The following ZNF799 variants were observed in gnomAD, a reference collection of about 807,000 sequenced individuals.
The protein encoded by ZNF799 is zinc finger protein 14.
In ZNF799, 28 loss-of-function variants were observed where a neutral mutation model predicts 41.0. That is an observed-to-expected ratio of 0.68 (90% CI 0.51 to 0.94). The LOEUF (loss-of-function observed/expected upper bound fraction) is 0.94, where lower values mean the gene tolerates loss of function less well. Among genes scored for constraint, ZNF799 ranks in the 40% least tolerant of loss-of-function variants. The pLI is 0.00. For missense variants in ZNF799, 716 were observed against 764.3 expected, an observed-to-expected ratio of 0.94 and a Z score of 0.74; for synonymous variants, 213 against 252.9, an observed-to-expected ratio of 0.84 and a Z score of 1.50.
At chr19:12,413,047 C>CAAAAAAAAA in the ZNF799 span, among the ~76,000 whole-genome samples, 4 of 62,892 alleles carry the variant, frequency 6.4e-5, no homozygotes, top group African/African-American at 1.8e-4. Flanking sequence ...ACTCCGTCTC[C>CAAAAAAAAA]AAAAAAAAAA....
At chr19:12,401,541 CTTTTTTTTTT>C (rs769048606), upstream of ZNF799, among the ~76,000 whole-genome samples, 13 of 41,744 alleles carry the variant, frequency 3.1e-4, no homozygotes, top group East Asian at 4.8e-3. Context: ...AACAATTATA[CTTTTTTTTTT>C]TTTTTTTTTT....
the ZNF799 span, among the ~76,000 whole-genome samples, chr19:12,414,702 C>T: frequency 6.6e-6 from 1 of 152,194 alleles, no homozygotes; most frequent in Non-Finnish European, 1.5e-5. Context: ...CAACAGTCTT[C>T]TATAAAGGAA....
the ZNF799 span, among the ~76,000 whole-genome samples, chr19:12,410,174 TATACATAC>T: frequency 4.5e-4 from 31 of 68,792 alleles, no homozygotes; most frequent in Non-Finnish European, 5.9e-4. Flanking sequence ...AATATATATA[TATACATAC>T]ATACATACAT....
chr19:12,404,281 G>A (rs1189400838), upstream of ZNF799, among the ~76,000 whole-genome samples: 1 of 152,110 alleles, frequency 6.6e-6, no homozygotes, highest in Admixed American at 6.6e-5. Flanking sequence ...CTATAGTGTA[G>A]ATTAAATCCC....
At chr19:12,404,856 T>C (rs1970018733), upstream of ZNF799, among the ~76,000 whole-genome samples, 1 of 152,128 alleles carries the variant, frequency 6.6e-6, no homozygotes, top group Admixed American at 6.6e-5. Flanking sequence ...TAATACTGAG[T>C]GTCAACTTGA....
At chr19:12,410,256 TATATA>T in the ZNF799 span, among the ~76,000 whole-genome samples, 2 of 6,894 alleles carry the variant, frequency 2.9e-4, no homozygotes, top group South Asian at 0.019. Context: ...TCTGTGTGCA[TATATA>T]TATATATATA....
At chr19:12,397,602 G>A (rs1247044896) in intron 1 of ZNF799, among the ~76,000 whole-genome samples, 15 of 137,846 alleles carry the variant, frequency 1.1e-4, no homozygotes, top group Non-Finnish European at 2.2e-4. Flanking sequence ...AAGAAACAAA[G>A]AAACAAGTAG....
chr19:12,401,322 C>A, upstream of ZNF799: 3 of 1,180,340 alleles, frequency 2.5e-6, no homozygotes, highest in Non-Finnish European at 3.4e-6. Flanking sequence ...CGTCAGGTGC[C>A]GCCCCTCGTG....
chr19:12,401,103 G>A lies in ZNF799; in HGVS notation c.-33C>T. 4 of 1,613,640 alleles carry A rather than the reference G, an allele frequency of 2.5e-6. No individual in the cohort carries two copies. Among genetic ancestry groups the A allele is most frequent in the Non-Finnish European group, 2.5e-6 (3 of 1,179,782 alleles). Reference sequence around the variant, plus strand: ...CTTCCGCGGTGTCCCAGGTCCTCCGGACGGCTCCCGCTGCCAATGCGGGTT... The same window carrying A: ...CTTCCGCGGTGTCCCAGGTCCTCCGAACGGCTCCCGCTGCCAATGCGGGTT... On this transcript the variant is annotated 5_prime_UTR_variant, in exon 1 of 4. Transcript: ENST00000430385.
Position 12,391,374 on chromosome 19 carries a change from A to C in ZNF799, c.1024T>G (p.Cys342Gly). ...CTAGGACAATCAAAGCCTTTTCCACATATCTTACACTTATGAGGTCCATCT... is the reference window on the plus strand; with the variant it reads ...CTAGGACAATCAAAGCCTTTTCCACCTATCTTACACTTATGAGGTCCATCT... Reference protein sequence around the residue: ...TRDGPHKCKICGKGFDCPSSL... With the variant: ...TRDGPHKCKIGGKGFDCPSSL... The change falls in exon 4 of 4, where the codon TGT (cysteine) becomes GGT (glycine). Residue 342 changes from cysteine to glycine, a missense_variant. Physicochemically the swap from Cys to Gly is radical, Grantham distance 159. Transcript: ENST00000430385. The C allele has an allele frequency of 1.9e-6, 3 of 1,614,110 alleles. No individual in the cohort carries two copies. The highest frequency in any genetic ancestry group is 2.5e-6 in the Non-Finnish European group (3 of 1,179,998).
intron 1 of ZNF799, chr19:12,394,650 G>A (rs1415739160): frequency 5.1e-6 from 5 of 985,176 alleles, no homozygotes; most frequent in East Asian, 1.1e-4. Context: ...TTTGAGTAAC[G>A]CCAAAGGGGA....
chr19:12,401,273 G>T, upstream of ZNF799: 1 of 1,368,932 alleles, frequency 7.3e-7, no homozygotes, highest in Non-Finnish European at 9.7e-7. Flanking sequence ...CTGATTGACA[G>T]TTCCCACGAA....
chr19:12,394,915 A>G (rs1379863209), intron 1 of ZNF799: 1 of 971,350 alleles, frequency 1.0e-6, no homozygotes, highest in African/African-American at 1.8e-5. Context: ...AAATATATAT[A>G]TAAAGAAAAA....
In ZNF799 at chr19:12,391,464, G is replaced by A; in HGVS notation, c.934C>T (p.Gln312Ter). The A allele has an allele frequency of 6.2e-7, 1 of 1,613,764 alleles. No individual in the cohort carries two copies. The highest frequency in any genetic ancestry group is 1.1e-5 in the South Asian group (1 of 91,050). ...TGATGAAACGCTTTCCCACATTGCTGACATGCATAGGGTTTCTCATCAGTG... is the reference window on the plus strand; with the variant it reads ...TGATGAAACGCTTTCCCACATTGCTAACATGCATAGGGTTTCTCATCAGTG... ...THTDEKPYAC[Q>*]QCGKAFHHLG... Residue 312 changes from glutamine to a stop codon, truncating the protein, a stop_gained, in exon 4 of 4, where the codon CAG (glutamine) becomes TAG (stop). Transcript: ENST00000430385. LOFTEE classifies it high-confidence loss of function.
chr19:12,411,116 C>T, the ZNF799 span, among the ~76,000 whole-genome samples: 1 of 152,220 alleles, frequency 6.6e-6, no homozygotes, highest in South Asian at 2.1e-4. Context: ...AGACATATCT[C>T]CGCCATGTAA....
Position 12,390,553 on chromosome 19 carries a change from G to C in ZNF799, c.1845C>G (p.His615Gln), listed in dbSNP as rs1458526695. The C allele has an allele frequency of 1.9e-6, 3 of 1,612,546 alleles. No homozygotes were observed. In the East Asian group the frequency reaches 6.7e-5, roughly 36 times the overall value. The change falls in exon 4 of 4, where the codon CAC (histidine) becomes CAG (glutamine). Residue 615 changes from histidine (H) to glutamine (Q), a missense_variant. Physicochemically the swap from His to Gln is conservative, Grantham distance 24. This residue lies in a region of ZNF799 where 698 missense variants were observed against 713.6 expected (regional missense o/e 0.98). Transcript: ENST00000430385. ...TACATCCATACGGGTTCTCTCCAGT[G>C]TGAGTTTTTTTCCAGTGAGTCTTTT... is the stretch of plus-strand genomic sequence containing the variant. ...RHKKTHWKKT[H>Q]TGENPYGCKE...
chr19:12,411,254 T>G, the ZNF799 span, among the ~76,000 whole-genome samples: 1 of 152,332 alleles, frequency 6.6e-6, no homozygotes, highest in Non-Finnish European at 1.5e-5. Context: ...GTATGCAGCC[T>G]GTGGTAATCT....
At chr19:12,393,820 G>A (rs1244206757) in intron 1 of ZNF799, 1 of 1,025,102 alleles carries the variant, frequency 9.8e-7, no homozygotes, top group East Asian at 7.5e-5. Flanking sequence ...TTTTCACAAA[G>A]TTGGGCTTTT....
chr19:12,397,135 G>A (rs1344850786), intron 1 of ZNF799, among the ~76,000 whole-genome samples: 1 of 152,182 alleles, frequency 6.6e-6, no homozygotes, highest in East Asian at 1.9e-4. Context: ...TTGGGTGGGA[G>A]GGAGGAATGC....
Sources: allele counts gnomAD v4.1 joint callset (sites outside exome capture counted in the v4.1 genomes callset), GRCh38; gene constraint gnomAD v4.1.1; regional missense constraint gnomAD v4.1.1; transcripts MANE v1.5; gene names NCBI Gene and HGNC (gene_info 2026-07-23, HGNC 2026-07-21).